Variants in DGLUCY observed in about 807,000 individuals in gnomAD.
DGLUCY encodes the protein D-glutamate cyclase, mitochondrial.
A neutral mutation model predicts 58.5 loss-of-function variants in DGLUCY; 58 were observed. That is an observed-to-expected ratio of 0.99 (90% CI 0.80 to 1.23). The LOEUF (loss-of-function observed/expected upper bound fraction) is 1.23. Among genes scored for constraint, DGLUCY ranks in the 50% most tolerant of loss-of-function variants. The pLI is 0.00. For missense variants in DGLUCY, 779 were observed against 784.7 expected (o/e 0.99, Z 0.09); for synonymous variants, 325 against 314.1 (o/e 1.03, Z -0.37).
chr14:91,106,366 A>T (rs1042184449), upstream of DGLUCY, among the ~76,000 whole-genome samples: 1 of 151,768 alleles, frequency 6.6e-6, no homozygotes, highest in Non-Finnish European at 1.5e-5. Context: ...TCATTAACTG[A>T]ATTGTCATTA....
intron 1 of DGLUCY, among the ~76,000 whole-genome samples, chr14:91,146,966 T>C (rs937358388): frequency 6.6e-6 from 1 of 151,838 alleles, no homozygotes; most frequent in African/African-American, 2.4e-5. Context: ...TCCTGGGGCC[T>C]GTCAGCTGCA....
exon 1 of DGLUCY, chr14:91,060,553 C>T: frequency 5.9e-6 from 7 of 1,191,594 alleles, no homozygotes; most frequent in Non-Finnish European, 7.4e-6. Context: ...GGCTCCAGAA[C>T]TCGGACGCAA....
chr14:91,168,556 A>G (rs187925087), intron 4 of DGLUCY, among the ~76,000 whole-genome samples: 1 of 152,126 alleles, frequency 6.6e-6, no homozygotes, highest in Non-Finnish European at 1.5e-5. Flanking sequence ...CCTGGAGCCC[A>G]TCCCCCAGTG....
intron 1 of DGLUCY, among the ~76,000 whole-genome samples, chr14:91,077,597 C>CA (rs1189788908): frequency 0.014 from 2,157 of 151,762 alleles, 44 homozygotes; most frequent in African/African-American, 0.049. Context: ...ATTAAAAATA[C>CA]AAAAATTAGC....
At chr14:91,220,681 CT>C in intron 13 of DGLUCY, 1 of 456,050 alleles carries the variant, frequency 2.2e-6, no homozygotes, top group South Asian at 1.5e-5. Context: ...AGGCAGCCAG[CT>C]CTCCCCTGCC....
At chr14:91,219,915 G>A (rs1050790177) in intron 13 of DGLUCY, among the ~76,000 whole-genome samples, 1 of 152,174 alleles carries the variant, frequency 6.6e-6, no homozygotes, top group Non-Finnish European at 1.5e-5. Context: ...TGGGCAGGGG[G>A]TGGGTCCCTA....
chr14:91,184,678 A>C (rs1466360248), intron 8 of DGLUCY, among the ~76,000 whole-genome samples: 1 of 143,456 alleles, frequency 7.0e-6, no homozygotes, highest in Non-Finnish European at 1.5e-5. Flanking sequence ...GGAGGGAGGG[A>C]AGGAAGGAAA....
chr14:91,179,849 T>A (rs560498440), intron 7 of DGLUCY, among the ~76,000 whole-genome samples: 13 of 152,134 alleles, frequency 8.5e-5, no homozygotes, highest in South Asian at 2.1e-4. Flanking sequence ...AATTTATTTT[T>A]TTTTTTTACA....
intron 1 of DGLUCY, among the ~76,000 whole-genome samples, chr14:91,066,255 G>A (rs2043817469): frequency 6.6e-6 from 1 of 151,992 alleles, no homozygotes; most frequent in African/African-American, 2.4e-5. Context: ...GCACATGCCT[G>A]TAATCCCAGC....
Position 91,158,309 on chromosome 14 carries a change from T to C in DGLUCY, c.-30+619T>C, listed in dbSNP as rs145104195. On this transcript the variant is annotated intron_variant, in intron 2 of 13. Coordinates refer to ENST00000256324, the MANE Select transcript of DGLUCY (RefSeq NM_001102368.3). Reference sequence around the variant, plus strand: ...GCAATGGAATCCTACCTCACCTGACTCCTCCCAGCACCCCCTCCCACTAGC... The same window carrying C: ...GCAATGGAATCCTACCTCACCTGACCCCTCCCAGCACCCCCTCCCACTAGC... Among the ~76,000 whole-genome samples the C allele has an allele frequency of 1.3e-3, 193 of 152,190 alleles. 1 individual carries two copies. The highest frequency in any genetic ancestry group is 4.5e-3 in the African/African-American group (186 of 41,520).
chr14:91,093,778 C>T (rs2044349880), intron 1 of DGLUCY, among the ~76,000 whole-genome samples: 1 of 150,406 alleles, frequency 6.6e-6, no homozygotes, highest in South Asian at 2.2e-4. Context: ...GCACTCTAGC[C>T]TGGGTGACAG....
intron 7 of DGLUCY, among the ~76,000 whole-genome samples, chr14:91,180,686 A>C (rs910570521): frequency 2.6e-5 from 4 of 152,222 alleles, no homozygotes; most frequent in Admixed American, 6.5e-5. Context: ...ATTGCCTGAA[A>C]TCTAACAAAG....
intron 12 of DGLUCY, among the ~76,000 whole-genome samples, chr14:91,206,194 C>T (rs1884669096): frequency 6.6e-6 from 1 of 151,874 alleles, no homozygotes; most frequent in South Asian, 2.1e-4. Context: ...AGGGACATAC[C>T]CAATTCCAGC....
At position 91,204,713 on chromosome 14, in the gene DGLUCY, T is replaced by C. The variant is rs747012248; in HGVS notation, c.1452T>C (p.Gly484=). ...KIPGISSTGV[G]DGGNELGMGK... ...AGCTCCCCTTCCCTTCAGGAGTCGG[T>C]GATGGAGGCAACGAGCTTGGGATGG... Residue 484 remains glycine, a synonymous_variant, in exon 12 of 14, where the codon GGT becomes GGC. Transcript: ENST00000256324. The C allele has an allele frequency of 1.2e-6, 2 of 1,613,762 alleles. No homozygotes were observed. Among genetic ancestry groups the C allele is most frequent in the South Asian group, 2.2e-5 (2 of 91,008 alleles).
intron 1 of DGLUCY, among the ~76,000 whole-genome samples, chr14:91,075,264 G>C (rs770926982): frequency 1.5e-4 from 23 of 151,958 alleles, no homozygotes; most frequent in Non-Finnish European, 2.5e-4. Flanking sequence ...CTCCTACAGG[G>C]TTGTCACAGT....
intron 1 of DGLUCY, among the ~76,000 whole-genome samples, chr14:91,135,922 T>G (rs1437323185): frequency 7.1e-6 from 1 of 141,438 alleles, no homozygotes; most frequent in African/African-American, 2.6e-5. Context: ...CTAGGATACA[T>G]TAGCTTTTTT....
At chr14:91,067,832 G>T (rs903421720) in intron 1 of DGLUCY, among the ~76,000 whole-genome samples, 1 of 152,098 alleles carries the variant, frequency 6.6e-6, no homozygotes, top group African/African-American at 2.4e-5. Context: ...TTACAGGCCT[G>T]AGCCACTGCA....
intron 9 of DGLUCY, among the ~76,000 whole-genome samples, chr14:91,190,366 G>A (rs192983201): frequency 3.7e-4 from 57 of 152,290 alleles, no homozygotes; most frequent in South Asian, 1.0e-3. Flanking sequence ...CCAGTGGAGT[G>A]TGACAGACAA....
chr14:91,070,622 AAGAC>A (rs2043898916), intron 1 of DGLUCY, among the ~76,000 whole-genome samples: 1 of 152,224 alleles, frequency 6.6e-6, no homozygotes, highest in Admixed American at 6.5e-5. Context: ...CAAGAAAAGA[AAGAC>A]AGGAAAGCCA....
Sources: gnomAD v4.1 joint callset for allele counts (sites outside exome capture counted in the v4.1 genomes callset) on GRCh38, gnomAD v4.1.1 for gene constraint, MANE v1.5 for transcripts, NCBI Gene and HGNC (gene_info 2026-07-23, HGNC 2026-07-21) for gene names.